Variants in MYO1E observed in about 807,000 individuals in gnomAD.
The protein encoded by MYO1E is unconventional myosin-Ie.
MYO1E carries 68 observed loss-of-function variants against 151.1 expected under a neutral mutation model. The ratio of observed to expected loss-of-function variants is 0.45; its 90% CI spans 0.37 to 0.55. The LOEUF (loss-of-function observed/expected upper bound fraction) is 0.55. MYO1E is among the 20% of genes least tolerant of loss of function. The probability of loss-of-function intolerance (pLI) is 0.00; values close to 1 mark genes in which losing one functional copy is unlikely to be tolerated. For synonymous variants in MYO1E, 601 were observed against 501.7 expected (o/e 1.20, Z -2.64); for missense variants, 1,363 against 1,389.3 (o/e 0.98, Z 0.30).
At chr15:59,236,363 A>AAAAAAAT (rs1387709265) in intron 5 of MYO1E, among the ~76,000 whole-genome samples, 1 of 60,770 alleles carries the variant, frequency 1.6e-5, no homozygotes, top group African/African-American at 4.8e-5. Flanking sequence ...AAAAAAAAAA[A>AAAAAAAT]ATATATACAC....
intron 1 of MYO1E, among the ~76,000 whole-genome samples, chr15:59,292,985 G>C (rs1323690637): frequency 1.3e-5 from 2 of 152,188 alleles, no homozygotes; most frequent in Non-Finnish European, 2.9e-5. Flanking sequence ...AACTGTTTAA[G>C]CTGTCCTGTG....
At chr15:59,187,972 T>C in intron 18 of MYO1E, 146 bp downstream of exon 18, 5 of 708,468 alleles carry the variant, frequency 7.1e-6, no homozygotes, top group Non-Finnish European at 1.3e-5. Flanking sequence ...GAAAATGTCC[T>C]AAAATTAACG....
rs549451952 is a variant in MYO1E at position 59,134,115 on chromosome 15, C to T, written c.*3265G>A. ...TGAGTTGAGGCCACATGACTAAGCT[C>T]TGGCCAGCAGAATATTGGTGGACAT... On this transcript the variant is annotated 3_prime_UTR_variant, in exon 28 of 28. Coordinates refer to ENST00000288235, the MANE Select transcript of MYO1E (RefSeq NM_004998.4). 3.3e-5 allele frequency: 5 copies of T among 152,438 alleles called. No homozygotes were observed. The highest frequency in any genetic ancestry group is 1.2e-4 in the African/African-American group (5 of 41,574). 9.4% of individuals were successfully genotyped at this position (152,438 alleles called of 1,614,324 possible). A position where few individuals can be genotyped will look rare whatever the true frequency, so the allele number is the denominator to read the frequency against.
chr15:59,196,360 CTTTG>C (rs1214850749), intron 16 of MYO1E, among the ~76,000 whole-genome samples: 10 of 152,198 alleles, frequency 6.6e-5, no homozygotes, highest in Admixed American at 3.3e-4. Context: ...GAATCTCAAA[CTTTG>C]TTTGAAGAAA....
intron 1 of MYO1E, among the ~76,000 whole-genome samples, chr15:59,287,693 T>C (rs2080395086): frequency 6.6e-6 from 1 of 152,176 alleles, no homozygotes; most frequent in Admixed American, 6.5e-5. Context: ...CTGTGAGGGT[T>C]TCCTCCCACA....
intron 10 of MYO1E, among the ~76,000 whole-genome samples, chr15:59,215,746 G>A (rs368126878): frequency 6.6e-5 from 10 of 152,178 alleles, no homozygotes; most frequent in Non-Finnish European, 1.5e-4. Flanking sequence ...TCACTTATAT[G>A]AGTATTCATG....
intron 6 of MYO1E, among the ~76,000 whole-genome samples, chr15:59,229,284 C>G (rs901659647): frequency 3.3e-5 from 5 of 152,206 alleles, no homozygotes; most frequent in African/African-American, 1.2e-4. Context: ...TTCCAACATG[C>G]TGTCAGCCCA....
chr15:59,166,847 C>A (rs1208422262), intron 22 of MYO1E, among the ~76,000 whole-genome samples: 7 of 152,118 alleles, frequency 4.6e-5, no homozygotes, highest in African/African-American at 1.4e-4. Flanking sequence ...ATGCAAAGAC[C>A]CACTCTCCTC....
chr15:59,217,519 C>CTTTTGTTTTTT (rs2079926405), intron 10 of MYO1E, among the ~76,000 whole-genome samples: 1 of 53,154 alleles, frequency 1.9e-5, no homozygotes, highest in African/African-American at 7.0e-5. Flanking sequence ...GTCGTTTTAC[C>CTTTTGTTTTTT]TTTTTTTTTT....
chr15:59,280,020 A>G (rs1288168166), intron 1 of MYO1E, among the ~76,000 whole-genome samples: 1 of 152,232 alleles, frequency 6.6e-6, no homozygotes, highest in East Asian at 1.9e-4. Context: ...AAGTCTTGCT[A>G]AGCAGAATGA....
At chr15:59,324,129 G>A (rs750274178) in intron 1 of MYO1E, among the ~76,000 whole-genome samples, 47 of 152,248 alleles carry the variant, frequency 3.1e-4, no homozygotes, top group East Asian at 5.8e-4. Context: ...AGGCTCAGCC[G>A]ACAGAACGTG....
chr15:59,246,504 T>C (rs1481725103), intron 4 of MYO1E, among the ~76,000 whole-genome samples: 1 of 152,240 alleles, frequency 6.6e-6, no homozygotes, highest in Non-Finnish European at 1.5e-5. Flanking sequence ...CCTTTATTTC[T>C]TTACAGGCTT....
intron 21 of MYO1E, among the ~76,000 whole-genome samples, chr15:59,172,868 G>A (rs1329740966): frequency 6.6e-6 from 1 of 152,246 alleles, no homozygotes; most frequent in African/African-American, 2.4e-5. Flanking sequence ...ACCCCTGTGT[G>A]CATCCAGGGC....
intron 1 of MYO1E, among the ~76,000 whole-genome samples, chr15:59,353,235 T>C (rs1225803570): frequency 6.6e-6 from 1 of 151,516 alleles, no homozygotes; most frequent in Non-Finnish European, 1.5e-5. Context: ...TGCGCGCCTG[T>C]AGTCCCAGCT....
chr15:59,371,589 G>C (rs1337410254), intron 1 of MYO1E, among the ~76,000 whole-genome samples: 1 of 152,234 alleles, frequency 6.6e-6, no homozygotes, highest in African/African-American at 2.4e-5. Context: ...AGTTGGAATA[G>C]CAGAAAAGTC....
intron 5 of MYO1E, among the ~76,000 whole-genome samples, chr15:59,234,423 G>A (rs546562131): frequency 3.3e-5 from 5 of 152,172 alleles, no homozygotes; most frequent in South Asian, 4.2e-4. Context: ...CGTCTGGCCC[G>A]CAAACAAAAG....
intron 8 of MYO1E, 125 bp from the exon 9 acceptor site, chr15:59,223,316 A>G (rs1174945048): frequency 5.7e-3 from 227 of 39,934 alleles, no homozygotes; most frequent in Non-Finnish European, 0.012. Flanking sequence ...AGTTACAAAG[A>G]AAAAAAAAAA....
intron 4 of MYO1E, among the ~76,000 whole-genome samples, chr15:59,252,472 T>C (rs562566081): frequency 6.6e-6 from 1 of 152,156 alleles, no homozygotes; most frequent in South Asian, 2.1e-4. Flanking sequence ...CCTAGCAATT[T>C]GGGAGGCTAA....
chr15:59,333,455 C>T (rs2080710033), intron 1 of MYO1E, among the ~76,000 whole-genome samples: 1 of 152,136 alleles, frequency 6.6e-6, no homozygotes, highest in Non-Finnish European at 1.5e-5. Flanking sequence ...GTTGGCCAGG[C>T]TAATCTCAAA....
Sources: allele counts gnomAD v4.1 joint callset (sites outside exome capture counted in the v4.1 genomes callset), GRCh38; gene constraint gnomAD v4.1.1; transcripts MANE v1.5; gene names NCBI Gene and HGNC (gene_info 2026-07-23, HGNC 2026-07-21).